Variants in NKTR observed in about 807,000 individuals in gnomAD.
NKTR encodes the protein natural killer cell triggering receptor.
NKTR carries 67 observed loss-of-function variants against 156.3 expected under a neutral mutation model. The observed-to-expected ratio is 0.43, with a 90% CI of 0.35 to 0.53. NKTR has a LOEUF of 0.53. NKTR is among the 20% of genes least tolerant of loss of function. NKTR has a pLI of 0.01. For synonymous variants in NKTR, 640 were observed against 596.6 expected, an observed-to-expected ratio of 1.07 and a Z score of -1.06; for missense variants, 1,604 against 1,730.9, an observed-to-expected ratio of 0.93 and a Z score of 1.30.
rs1710418138 is a variant in NKTR, at chr3:42,647,306, T to TGG, written c.*1331_*1332insGG. On this transcript the variant is annotated 3_prime_UTR_variant, in exon 17 of 17. Coordinates refer to ENST00000232978, the MANE Select transcript of NKTR (RefSeq NM_005385.4). ...TGTGTGTGTGTGTGTGTGTGTGGTTTTTTTTTTTAATCTTTACTTTGAATT... is the reference window on the plus strand; with the variant it reads ...TGTGTGTGTGTGTGTGTGTGTGGTTTGGTTTTTTTTAATCTTTACTTTGAATT... 1 of 59,446 alleles carries TGG rather than the reference T, an allele frequency of 1.7e-5. No individual in the cohort carries two copies. Among genetic ancestry groups the TGG allele is most frequent in the South Asian group, 6.8e-4 (1 of 1,472 alleles). 3.7% of individuals were successfully genotyped at this position (59,446 alleles called of 1,614,324 possible).
Position 42,633,609 on chromosome 3 carries a change from A to C in NKTR, c.803A>C (p.Lys268Thr). 1 of 1,614,150 alleles carries C rather than the reference A, an allele frequency of 6.2e-7. No individual in the cohort carries two copies. Among genetic ancestry groups the C allele is most frequent in the Non-Finnish European group, 8.5e-7 (1 of 1,179,996 alleles). The change falls in exon 10 of 17, where the codon AAA (lysine) becomes ACA (threonine). Residue 268 changes from lysine (K) to threonine (T), a missense_variant. Around this residue, in one of 6 missense-constraint regions of NKTR, gnomAD observed 1,255 missense variants for 1,243.7 expected, o/e 1.01. Coordinates refer to ENST00000232978, the MANE Select transcript of NKTR (RefSeq NM_005385.4). ...TCTGAGAGGAGTGATACCAATGAAA[A>C]AAGGTCAGTTGATTCCAGTGCTAAA... ...GHSERSDTNE[K>T]RSVDSSAKRE...
In NKTR at chr3:42,636,934, C is replaced by T. The variant is rs1282588434; in HGVS notation, c.1230C>T (p.Ser410=). 1.0e-5 allele frequency: 16 copies of T among 1,598,762 alleles called. No homozygotes were observed. The highest frequency in any genetic ancestry group is 1.4e-5 in the Non-Finnish European group (16 of 1,176,434). Residue 410 remains serine (S), a synonymous_variant, in exon 13 of 17, where the codon TCC becomes TCT. Transcript: ENST00000232978. ...TGTCTCAGAGATCCAGATCATGGTC[C>T]TATAATGGATATTATTCAGACCTTA... is the stretch of plus-strand genomic sequence containing the variant. The part of the protein sequence containing the change: ...RSLSQRSRSW[S]YNGYYSDLST...
intron 6 of NKTR, chr3:42,630,311 T>C (rs769019838): frequency 1.5e-6 from 2 of 1,308,032 alleles, no homozygotes; most frequent in South Asian, 2.4e-5. Flanking sequence ...TGCATACATA[T>C]AGTCTAATAG....
Position 42,636,783 on chromosome 3 carries a change from G to T in NKTR, c.1164-85G>T, listed in dbSNP as rs1211998927. 6.7e-6 allele frequency: 10 copies of T among 1,482,154 alleles called. No individual in the cohort carries two copies. In the Admixed American group the frequency reaches 1.0e-4, roughly 15 times the overall value. 91.8% of individuals were successfully genotyped at this position (1,482,154 alleles called of 1,614,324 possible). A position where few individuals can be genotyped will look rare whatever the true frequency, so the allele number is the denominator to read the frequency against. ...GTGCTTAAAGTGTTAATGGGGTCAA[G>T]AACTTTGTTGTTAACAAAGCTGTGT... is the stretch of plus-strand genomic sequence containing the variant. On this transcript the variant is annotated intron_variant, in intron 12 of 16. Coordinates refer to ENST00000232978, the MANE Select transcript of NKTR (RefSeq NM_005385.4).
intron 5 of NKTR, chr3:42,621,192 T>G: frequency 8.9e-7 from 1 of 1,121,438 alleles, no homozygotes; most frequent in African/African-American, 1.6e-5. Context: ...GTTCTAAGGC[T>G]GTTTGTGTGA....
rs371244780 is a variant in NKTR at position 42,643,267 on chromosome 3, T to C, written c.4143-72T>C. 1,907 of 1,182,038 alleles carry C rather than the reference T, an allele frequency of 1.6e-3. 4 individuals carry two copies. The highest frequency in any genetic ancestry group is 2.1e-3 in the Non-Finnish European group (1,676 of 811,420). 73.2% of individuals were successfully genotyped at this position (1,182,038 alleles called of 1,614,324 possible). A position where few individuals can be genotyped will look rare whatever the true frequency, so the allele number is the denominator to read the frequency against. On this transcript the variant is annotated intron_variant, in intron 14 of 16. Transcript: ENST00000232978. ...ATTTTCACCTTGATGGGCAAATAAA[T>C]GTCTAGATATTTGGTATAGCCTGTC...
At chr3:42,636,264 C>T (rs972989775) in intron 12 of NKTR, among the ~76,000 whole-genome samples, 6 of 152,118 alleles carry the variant, frequency 3.9e-5, no homozygotes, top group African/African-American at 1.2e-4. Context: ...TGTGTAGAAG[C>T]GGCTCAGACA....
rs1709530342 is a variant in NKTR, at chr3:42,637,482, A to C, written c.1778A>C (p.Glu593Ala). The change falls in exon 13 of 17, where the codon GAA (glutamate) becomes GCA (alanine). Residue 593 changes from glutamate (E) to alanine (A), a missense_variant. Physicochemically the swap from Glu to Ala is moderately radical, Grantham distance 107. Coordinates refer to ENST00000232978, the MANE Select transcript of NKTR (RefSeq NM_005385.4). The part of the protein sequence containing the change: ...EPLRATMAQN[E>A]NVVVQPVVAE... Reference sequence around the variant, plus strand: ...TTAAGAGCAACCATGGCACAAAATGAAAATGTAGTAGTACAACCAGTTGTA... The same window carrying C: ...TTAAGAGCAACCATGGCACAAAATGCAAATGTAGTAGTACAACCAGTTGTA... 1 of 1,613,812 alleles carries C rather than the reference A, an allele frequency of 6.2e-7. No homozygotes were observed. Among genetic ancestry groups the C allele is most frequent in the Admixed American group, 1.7e-5 (1 of 59,970 alleles).
intron 15 of NKTR, chr3:42,643,643 C>T (rs770982221): frequency 3.6e-5 from 23 of 640,464 alleles, no homozygotes; most frequent in Non-Finnish European, 5.6e-5. Flanking sequence ...TACAGAGATC[C>T]ACCAGGTTCA....
At chr3:42,607,239 G>A (rs6778982) in intron 2 of NKTR, among the ~76,000 whole-genome samples, 26,188 of 151,922 alleles carry the variant, frequency 0.17, 2,735 homozygotes, top group African/African-American at 0.29. Flanking sequence ...GGGTGCGTGC[G>A]GCTCTTAACA....
chr3:42,616,504 T>A (rs1707381578), intron 2 of NKTR, among the ~76,000 whole-genome samples: 1 of 152,216 alleles, frequency 6.6e-6, no homozygotes, highest in Non-Finnish European at 1.5e-5. Flanking sequence ...TAATGGAATG[T>A]GTGCTTGTGT....
At chr3:42,622,556 GT>G (rs1339707900) in intron 6 of NKTR, among the ~76,000 whole-genome samples, 1 of 152,002 alleles carries the variant, frequency 6.6e-6, no homozygotes, top group African/African-American at 2.4e-5. Context: ...ATCTGATAAA[GT>G]TCAGATAAGG....
Position 42,639,533 on chromosome 3 carries a change from C to T in NKTR, c.3829C>T (p.Leu1277Phe), listed in dbSNP as rs1709699302. 1.2e-6 allele frequency: 2 copies of T among 1,614,178 alleles called. No homozygotes were observed. Among genetic ancestry groups the T allele is most frequent in the East Asian group, 2.2e-5 (1 of 44,886 alleles). Residue 1277 changes from leucine (L) to phenylalanine (F), a missense_variant, in exon 13 of 17, where the codon CTC (leucine) becomes TTC (phenylalanine). Around this residue, in one of 6 missense-constraint regions of NKTR, gnomAD observed 18 missense variants for 41.9 expected, o/e 0.43. Coordinates refer to ENST00000232978, the MANE Select transcript of NKTR (RefSeq NM_005385.4). The part of the protein sequence containing the change: ...KSKNKVRPGS[L>F]FDEVRKTARL... ...CAAAAATAAAGTTCGGCCTGGGTCTCTCTTTGATGAAGTAAGAAAGACAGC... is the reference window on the plus strand; with the variant it reads ...CAAAAATAAAGTTCGGCCTGGGTCTTTCTTTGATGAAGTAAGAAAGACAGC...
At chr3:42,628,679 C>A in intron 6 of NKTR, 1 of 985,342 alleles carries the variant, frequency 1.0e-6, no homozygotes, top group Non-Finnish European at 1.2e-6. Context: ...GGGGCTGATC[C>A]CTTACACTGT....
At chr3:42,617,506 T>C in intron 2 of NKTR, 64 bp from the exon 3 acceptor site, 1 of 811,948 alleles carries the variant, frequency 1.2e-6, no homozygotes, top group Admixed American at 2.0e-5. Context: ...CCTGTTTCTT[T>C]CTCCCATTTA....
chr3:42,644,176 A>T (rs1477682764), intron 16 of NKTR, among the ~76,000 whole-genome samples, 173 bp downstream of exon 16: 3 of 152,216 alleles, frequency 2.0e-5, no homozygotes, highest in Non-Finnish European at 4.4e-5. Flanking sequence ...AGTGGCTTTT[A>T]TATTAAGAGT....
chr3:42,640,455 T>G (rs1709788179), intron 13 of NKTR, among the ~76,000 whole-genome samples: 1 of 152,246 alleles, frequency 6.6e-6, no homozygotes, highest in Admixed American at 6.5e-5. Flanking sequence ...TGTAAATATT[T>G]TATGGTTTTA....
chr3:42,634,710 A>G lies in NKTR; in HGVS notation c.1017+10A>G. On this transcript the variant is annotated intron_variant, in intron 11 of 16. Transcript: ENST00000232978. Reference sequence around the variant, plus strand: ...AGGAAGGGGCACAATTGTATGTGTGATAAGACTTTTTTTGATATTATGTAT... The same window carrying G: ...AGGAAGGGGCACAATTGTATGTGTGGTAAGACTTTTTTTGATATTATGTAT... 3 of 1,503,886 alleles carry G rather than the reference A, an allele frequency of 2.0e-6. No individual in the cohort carries two copies. The highest frequency in any genetic ancestry group is 2.7e-6 in the Non-Finnish European group (3 of 1,100,952). The allele number at this position is 1,503,886 out of a possible 1,614,324, so 93.2% of individuals were successfully genotyped here. A position where few individuals can be genotyped will look rare whatever the true frequency, so the allele number is the denominator to read the frequency against.
Position 42,633,650 on chromosome 3 carries a change from G to C in NKTR, c.844G>C (p.Val282Leu). Residue 282 changes from valine to leucine, a missense_variant, in exon 10 of 17, where the codon GTC becomes CTC. By Grantham distance (32) the Val-to-Leu change is conservative (BLOSUM62 1). Coordinates refer to ENST00000232978, the MANE Select transcript of NKTR (RefSeq NM_005385.4). ...DSSAKREKPV[V>L]RPEEIPPVPE... The stretch of plus-strand genomic sequence containing the variant: ...CAGTGCTAAAAGGGAAAAACCTGTG[G>C]TCCGCCCAGAAGAGATTCCTCCAGT... 6.2e-7 allele frequency: 1 copy of C among 1,614,086 alleles called. No individual in the cohort carries two copies. The highest frequency in any genetic ancestry group is 8.5e-7 in the Non-Finnish European group (1 of 1,179,990).
Sources: gnomAD v4.1 joint callset for allele counts (sites outside exome capture counted in the v4.1 genomes callset) on GRCh38, gnomAD v4.1.1 for gene constraint, gnomAD v4.1.1 regional missense constraint, MANE v1.5 for transcripts, NCBI Gene and HGNC (gene_info 2026-07-23, HGNC 2026-07-21) for gene names.